The following ZP3 variants were observed in gnomAD, a reference collection of about 807,000 sequenced individuals.
ZP3 encodes zona pellucida sperm-binding protein 3.
Under a neutral mutation model 35.6 loss-of-function variants are expected in ZP3, and 21 were observed. The ratio of observed to expected loss-of-function variants is 0.59; its 90% CI spans 0.42 to 0.85. ZP3 has a LOEUF of 0.85. ZP3 is among the 40% of genes least tolerant of loss of function. ZP3 has a pLI of 0.00. For synonymous variants in ZP3, 207 were observed against 214.5 expected (o/e 0.96, Z 0.31); for missense variants, 437 against 536.5 (o/e 0.81, Z 1.83).
At chr7:76,419,696 T>TCC (rs1805460521) in intron 1 of ZP3, among the ~76,000 whole-genome samples, 2 of 79,222 alleles carry the variant, frequency 2.5e-5, no homozygotes, top group Non-Finnish European at 5.0e-5. Context: ...TTTCTCTCTC[T>TCC]CTCCCTTCCT....
chr7:76,423,039 GAAA>G, upstream of ZP3, among the ~76,000 whole-genome samples: 2 of 133,616 alleles, frequency 1.5e-5, no homozygotes, highest in Non-Finnish European at 3.2e-5. Flanking sequence ...AAGAAAGAAA[GAAA>G]GAAAGAAAGA....
At chr7:76,416,945 C>CAT (rs35169816) in intron 1 of ZP3, among the ~76,000 whole-genome samples, 4,486 of 73,132 alleles carry the variant, frequency 0.061, 107 homozygotes, top group Middle Eastern at 0.15. Context: ...TGTATACATA[C>CAT]ATATATATAT....
At chr7:76,432,788 C>G (rs895349435) in intron 2 of ZP3, 139 bp from the exon 3 acceptor site, 1 of 662,444 alleles carries the variant, frequency 1.5e-6, no homozygotes, top group Non-Finnish European at 2.6e-6. Flanking sequence ...GGTGTCTGTT[C>G]AGCCATCTCG....
At chr7:76,437,171 CTTTTTTTTTTT>C (rs869115807) in intron 5 of ZP3, among the ~76,000 whole-genome samples, 10 of 78,718 alleles carry the variant, frequency 1.3e-4, no homozygotes, top group African/African-American at 4.6e-4. Context: ...ACCCTGTGTA[CTTTTTTTTTTT>C]TTTTTTTTTT....
At chr7:76,425,311 G>A in intron 1 of ZP3, 35 bp downstream of exon 1, 1 of 1,572,486 alleles carries the variant, frequency 6.4e-7, no homozygotes, top group Non-Finnish European at 8.6e-7. Context: ...TTTGGTGGGA[G>A]GATGTTCGAG....
chr7:76,427,108 A>G (rs1015710192), intron 1 of ZP3, among the ~76,000 whole-genome samples: 6 of 152,258 alleles, frequency 3.9e-5, no homozygotes, highest in Admixed American at 6.5e-5. Flanking sequence ...CTGCTAAAAT[A>G]GAAAGGATGT....
chr7:76,431,176 C>A (rs927067540), intron 2 of ZP3, among the ~76,000 whole-genome samples: 2 of 152,146 alleles, frequency 1.3e-5, no homozygotes, highest in African/African-American at 2.4e-5. Flanking sequence ...GAGGCTGACT[C>A]GCAGGAGCTA....
intron 1 of ZP3, chr7:76,429,263 T>G: frequency 2.1e-6 from 1 of 470,620 alleles, no homozygotes; most frequent in Non-Finnish European, 4.0e-6. Flanking sequence ...TCCTGACCAG[T>G]GGCAGAGCCT....
intron 5 of ZP3, among the ~76,000 whole-genome samples, chr7:76,436,826 AGAG>A (rs1206364707): frequency 6.6e-6 from 1 of 152,256 alleles, no homozygotes. Flanking sequence ...AAGTTTTCAC[AGAG>A]GTGGTAGCGG....
chr7:76,433,375 G>C, intron 3 of ZP3, 95 bp from the exon 4 acceptor site: 1 of 1,395,354 alleles, frequency 7.2e-7, no homozygotes, highest in Non-Finnish European at 9.7e-7. Context: ...GGCTGGTCTC[G>C]AACTCCTGAC....
At chr7:76,431,014 C>T (rs1007439770) in intron 2 of ZP3, among the ~76,000 whole-genome samples, 1 of 152,212 alleles carries the variant, frequency 6.6e-6, no homozygotes. Flanking sequence ...AGCCTCACCA[C>T]AGGTGCCCCT....
chr7:76,424,883 A>G (rs755232078), upstream of ZP3: 2 of 1,343,944 alleles, frequency 1.5e-6, no homozygotes, highest in East Asian at 2.5e-5. Flanking sequence ...GCAGCTGAGA[A>G]GCTGAGAGCC....
At chr7:76,405,487 A>T (rs1477660333) in intron 1 of ZP3, among the ~76,000 whole-genome samples, 1 of 149,140 alleles carries the variant, frequency 6.7e-6, no homozygotes, top group African/African-American at 2.5e-5. Context: ...AGCCCAGAAC[A>T]TTTCTTTTTT....
intron 1 of ZP3, among the ~76,000 whole-genome samples, chr7:76,412,392 A>G (rs751542516): frequency 6.6e-6 from 1 of 152,244 alleles, no homozygotes; most frequent in East Asian, 1.9e-4. Context: ...AGGTTTAAGG[A>G]TTGTGGAGGG....
chr7:76,411,013 A>AAAAAAAAAAG (rs1554623386), intron 1 of ZP3, among the ~76,000 whole-genome samples: 143 of 131,024 alleles, frequency 1.1e-3, no homozygotes, highest in Non-Finnish European at 1.6e-3. Flanking sequence ...AAAAAAAAAA[A>AAAAAAAAAAG]AAAAGAAAAG....
chr7:76,416,909 T>TACAC (rs1192959806), intron 1 of ZP3, among the ~76,000 whole-genome samples: 2,198 of 129,840 alleles, frequency 0.017, 54 homozygotes, highest in East Asian at 0.051. Context: ...TACATATGTA[T>TACAC]ACATACATAT....
intron 1 of ZP3, chr7:76,398,750 C>A: frequency 6.2e-7 from 1 of 1,613,552 alleles, no homozygotes; most frequent in South Asian, 1.1e-5. Context: ...GTAGGAGGTG[C>A]TCTACTGGTT....
At chr7:76,437,395 T>TAA (rs1244214046) in intron 5 of ZP3, among the ~76,000 whole-genome samples, 2 of 151,722 alleles carry the variant, frequency 1.3e-5, no homozygotes, top group Admixed American at 1.3e-4. Flanking sequence ...AGGCTGGTCT[T>TAA]AAACTCCTGA....
intron 1 of ZP3, chr7:76,404,464 T>C: frequency 6.2e-7 from 1 of 1,613,906 alleles, no homozygotes; most frequent in Non-Finnish European, 8.5e-7. Flanking sequence ...GTGTTTCAGA[T>C]GCTCCCATCA....
Sources: allele counts gnomAD v4.1 joint callset (sites outside exome capture counted in the v4.1 genomes callset), GRCh38; gene constraint gnomAD v4.1.1; transcripts MANE v1.5; gene names NCBI Gene and HGNC (gene_info 2026-07-23, HGNC 2026-07-21).